PMFBP1: variants seen among roughly 807,000 people sequenced by gnomAD.
The protein encoded by PMFBP1 is polyamine modulated factor 1 binding protein 1.
Under a neutral mutation model 137.8 loss-of-function variants are expected in PMFBP1, and 131 were observed. That is an observed-to-expected ratio of 0.95 (90% CI 0.82 to 1.10). The LOEUF is 1.10. PMFBP1 is among the 50% of genes least tolerant of loss of function. PMFBP1 has a pLI of 0.00. For synonymous variants in PMFBP1, 490 were observed against 450.4 expected (o/e 1.09, Z -1.11); for missense variants, 1,199 against 1,175.4 (o/e 1.02, Z -0.29).
intron 10 of PMFBP1, 21 bp downstream of exon 10, chr16:72,132,727 C>T (rs776985565): frequency 2.5e-6 from 4 of 1,613,856 alleles, no homozygotes; most frequent in South Asian, 2.2e-5. Context: ...TGTGGTGGGA[C>T]AGCACCTGCA....
intron 4 of PMFBP1, 51 bp downstream of exon 4, chr16:72,154,160 T>G: frequency 6.3e-7 from 1 of 1,594,670 alleles, no homozygotes; most frequent in Non-Finnish European, 8.6e-7. Flanking sequence ...TGGTCTGATT[T>G]CTGCAGGTAC....
chr16:72,177,431 C>T (rs1476129606), upstream of PMFBP1, among the ~76,000 whole-genome samples: 1 of 152,082 alleles, frequency 6.6e-6, no homozygotes, highest in African/African-American at 2.4e-5. Flanking sequence ...CAATGATCTG[C>T]CTTTATTATG....
intron 9 of PMFBP1, 49 bp from the exon 10 acceptor site, chr16:72,133,040 G>T: frequency 6.3e-7 from 1 of 1,599,178 alleles, no homozygotes. Context: ...GTGGCAGTGG[G>T]TGAAGGCAAT....
chr16:72,216,225 T>A, the PMFBP1 span, among the ~76,000 whole-genome samples: 1 of 152,192 alleles, frequency 6.6e-6, no homozygotes, highest in African/African-American at 2.4e-5. Flanking sequence ...CCCAGAATCA[T>A]TACTTAGAGG....
intron 2 of PMFBP1, among the ~76,000 whole-genome samples, chr16:72,168,325 G>A (rs2043174996): frequency 6.6e-6 from 1 of 152,162 alleles, no homozygotes; most frequent in African/African-American, 2.4e-5. Flanking sequence ...ATTATAGGGA[G>A]TTATTAGAAA....
At chr16:72,236,335 T>C in the PMFBP1 span, among the ~76,000 whole-genome samples, 1 of 152,206 alleles carries the variant, frequency 6.6e-6, no homozygotes, top group Admixed American at 6.5e-5. Context: ...GTGAAGAGGA[T>C]AGGAAACAAA....
chr16:72,246,666 G>A, the PMFBP1 span, among the ~76,000 whole-genome samples: 4 of 151,964 alleles, frequency 2.6e-5, no homozygotes, highest in Admixed American at 1.3e-4. Context: ...AGTATTTCCT[G>A]TAGTACACAT....
At chr16:72,151,179 C>A (rs909145614) in intron 4 of PMFBP1, among the ~76,000 whole-genome samples, 11 of 152,082 alleles carry the variant, frequency 7.2e-5, no homozygotes, top group African/African-American at 2.7e-4. Flanking sequence ...GGTATTTTTT[C>A]CTTCCCAGGC....
chr16:72,122,892 AG>A lies in PMFBP1; in HGVS notation c.2768+21del, dbSNP rs1179312288. 4 of 1,605,212 alleles carry A rather than the reference AG, an allele frequency of 2.5e-6. No homozygotes were observed. The African/African-American group carries it at 5.4e-5, about 21-fold the overall frequency. ...TCTTGTCAGCTCCCAGGAAGCAGCCAGGGTGGTTTAAGATGACTTACTCCTT... is the reference window on the plus strand; with the variant it reads ...TCTTGTCAGCTCCCAGGAAGCAGCCAGGTGGTTTAAGATGACTTACTCCTT... On this transcript the variant is annotated intron_variant, in intron 19 of 20. Transcript: ENST00000237353.
the PMFBP1 span, among the ~76,000 whole-genome samples, chr16:72,186,020 T>C: frequency 2.6e-5 from 4 of 152,228 alleles, no homozygotes; most frequent in Non-Finnish European, 5.9e-5. Flanking sequence ...AATCAGTCTG[T>C]TGGCTAAGGC....
At chr16:72,133,393 G>C (rs1316041700) in intron 9 of PMFBP1, among the ~76,000 whole-genome samples, 6 of 151,960 alleles carry the variant, frequency 3.9e-5, no homozygotes, top group Non-Finnish European at 8.8e-5. Flanking sequence ...TGGCCCGGCT[G>C]GTCTCAAACT....
intron 9 of PMFBP1, among the ~76,000 whole-genome samples, chr16:72,134,832 G>A (rs759435036): frequency 1.3e-5 from 2 of 152,154 alleles, no homozygotes; most frequent in Non-Finnish European, 2.9e-5. Flanking sequence ...GTGTACAACC[G>A]CCATCAAGCT....
At chr16:72,225,709 T>TATTATAATAATAATAATA in the PMFBP1 span, among the ~76,000 whole-genome samples, 3 of 109,604 alleles carry the variant, frequency 2.7e-5, no homozygotes, top group African/African-American at 9.0e-5. Flanking sequence ...TGAGACTGTT[T>TATTATAATAATAATAATA]ATAATAATAA....
At chr16:72,135,740 G>GTTTTTTTTTTTTTTT (rs869189990) in intron 9 of PMFBP1, among the ~76,000 whole-genome samples, 7 of 66,818 alleles carry the variant, frequency 1.0e-4, no homozygotes, top group Non-Finnish European at 1.5e-4. Context: ...TAATTTTTCT[G>GTTTTTTTTTTTTTTT]TTTTTTTTTT....
downstream of PMFBP1, among the ~76,000 whole-genome samples, chr16:72,117,607 T>TAAA (rs1372270407): frequency 2.6e-5 from 4 of 152,366 alleles, no homozygotes; most frequent in East Asian, 3.8e-4. Context: ...GAAAAGCTTT[T>TAAA]AGTCTTTCAC....
Position 72,130,283 on chromosome 16 carries a change from C to T in PMFBP1, c.1712G>A (p.Arg571Lys), listed in dbSNP as rs751816665. 7.4e-6 allele frequency: 12 copies of T among 1,614,080 alleles called. No homozygotes were observed. The highest frequency in any genetic ancestry group is 1.3e-5 in the African/African-American group (1 of 74,920). ...CTCAGCCACTGTCTTCTGAAGCTGCCTCTTTTCCTTGTCTGAATTTTCAAG... is the reference window on the plus strand; with the variant it reads ...CTCAGCCACTGTCTTCTGAAGCTGCTTCTTTTCCTTGTCTGAATTTTCAAG... Reference protein sequence around the residue: ...RKLENSDKEKRQLQKTVAEQD... With the variant: ...RKLENSDKEKKQLQKTVAEQD... Residue 571 changes from arginine (R) to lysine (K), a missense_variant, in exon 12 of 21, where the codon AGG becomes AAG. Coordinates refer to ENST00000237353, the MANE Select transcript of PMFBP1 (RefSeq NM_031293.3).
At chr16:72,131,458 C>T (rs920675413) in intron 10 of PMFBP1, among the ~76,000 whole-genome samples, 1 of 152,164 alleles carries the variant, frequency 6.6e-6, no homozygotes, top group African/African-American at 2.4e-5. Flanking sequence ...TAGAGAAAAA[C>T]TTCCAGCAAT....
chr16:72,213,550 T>A, the PMFBP1 span, among the ~76,000 whole-genome samples: 1 of 152,200 alleles, frequency 6.6e-6, no homozygotes, highest in Non-Finnish European at 1.5e-5. Context: ...TGGAAGTAGA[T>A]CTTCTCCTGG....
At chr16:72,193,520 G>A in the PMFBP1 span, among the ~76,000 whole-genome samples, 1 of 151,954 alleles carries the variant, frequency 6.6e-6, no homozygotes, top group Non-Finnish European at 1.5e-5. Context: ...TGTCTTTCTA[G>A]AAGAGTAATA....
Sources: allele counts gnomAD v4.1 joint callset (sites outside exome capture counted in the v4.1 genomes callset), GRCh38; gene constraint gnomAD v4.1.1; transcripts MANE v1.5; gene names NCBI Gene and HGNC (gene_info 2026-07-23, HGNC 2026-07-21).